The following MYLK4 variants were observed in gnomAD, a reference collection of about 807,000 sequenced individuals.
The protein encoded by MYLK4 is myosin light chain kinase family member 4.
Under a neutral mutation model 48.1 loss-of-function variants are expected in MYLK4, and 46 were observed. That is an observed-to-expected ratio of 0.96 (90% confidence interval 0.75 to 1.22). The LOEUF (loss-of-function observed/expected upper bound fraction) is 1.22. MYLK4 is among the 50% of genes most tolerant of loss of function. The pLI, the probability that MYLK4 is intolerant of heterozygous loss-of-function variation, is 0.00. For missense variants in MYLK4, 451 were observed against 486.1 expected, an observed-to-expected ratio of 0.93 and a Z score of 0.68; for synonymous variants, 170 against 180.8, an observed-to-expected ratio of 0.94 and a Z score of 0.48.
At chr6:2,699,532 C>T (rs1042691552) in intron 2 of MYLK4, among the ~76,000 whole-genome samples, 8 of 150,790 alleles carry the variant, frequency 5.3e-5, no homozygotes, top group African/African-American at 1.9e-4. Flanking sequence ...CTCCTGACCT[C>T]GTGATCCACC....
the MYLK4 span, chr6:2,768,738 A>T: frequency 1.9e-6 from 3 of 1,613,716 alleles, no homozygotes; most frequent in Non-Finnish European, 2.5e-6. Flanking sequence ...AACATAGCAT[A>T]AGGTTTGTGA....
the MYLK4 span, among the ~76,000 whole-genome samples, chr6:2,761,319 T>C: frequency 2.0e-5 from 3 of 152,194 alleles, no homozygotes; most frequent in East Asian, 1.9e-4. Context: ...CTGCTTTACA[T>C]TGATTTCATT....
chr6:2,765,157 G>T, the MYLK4 span, among the ~76,000 whole-genome samples: 1 of 138,522 alleles, frequency 7.2e-6, no homozygotes. Flanking sequence ...GCAACCTCGC[G>T]CACGCGCACC....
chr6:2,703,780 C>T (rs1227772791), intron 2 of MYLK4, among the ~76,000 whole-genome samples: 2 of 137,638 alleles, frequency 1.5e-5, no homozygotes, highest in African/African-American at 5.4e-5. Context: ...AAGCGATTCT[C>T]CTGCCTCAGC....
At chr6:2,716,935 T>C (rs12660389) in intron 2 of MYLK4, among the ~76,000 whole-genome samples, 6,025 of 152,302 alleles carry the variant, frequency 0.04, 249 homozygotes, top group East Asian at 0.24. Flanking sequence ...ATTACACCAA[T>C]AGAAGAAGGA....
At chr6:2,728,021 C>T (rs1400178518) in intron 2 of MYLK4, among the ~76,000 whole-genome samples, 2 of 151,874 alleles carry the variant, frequency 1.3e-5, no homozygotes, top group South Asian at 2.1e-4. Context: ...TTATTTAATG[C>T]TCACCTCAAC....
At chr6:2,686,482 T>C (rs1183103183) in intron 4 of MYLK4, among the ~76,000 whole-genome samples, 1 of 152,204 alleles carries the variant, frequency 6.6e-6, no homozygotes, top group Non-Finnish European at 1.5e-5. Context: ...TTGTGAGCAG[T>C]TTTAAATTTA....
intron 4 of MYLK4, among the ~76,000 whole-genome samples, chr6:2,687,313 T>A (rs2126242): frequency 0.28 from 42,794 of 152,100 alleles, 6,549 homozygotes; most frequent in East Asian, 0.46. Context: ...ATCATGCTCC[T>A]CTCACTTATT....
the MYLK4 span, among the ~76,000 whole-genome samples, chr6:2,762,373 A>G: frequency 1.3e-5 from 2 of 152,262 alleles, no homozygotes; most frequent in African/African-American, 4.8e-5. Context: ...AACAATGATT[A>G]CAAGTAGACT....
chr6:2,766,156 G>C, the MYLK4 span: 481 of 1,329,412 alleles, frequency 3.6e-4, 1 homozygote, highest in African/African-American at 6.8e-3. Context: ...ACGGGGACGC[G>C]GACGCGGACG....
At chr6:2,702,576 C>T (rs1762327506) in intron 2 of MYLK4, among the ~76,000 whole-genome samples, 1 of 152,112 alleles carries the variant, frequency 6.6e-6, no homozygotes. Context: ...TGAACTATTG[C>T]ACGGCTTGGT....
At chr6:2,717,413 C>T (rs1762907041) in intron 2 of MYLK4, among the ~76,000 whole-genome samples, 1 of 152,216 alleles carries the variant, frequency 6.6e-6, no homozygotes, top group South Asian at 2.1e-4. Flanking sequence ...GGCCTCACAC[C>T]TCTCGAAATC....
the MYLK4 span, among the ~76,000 whole-genome samples, chr6:2,762,877 T>C: frequency 1.3e-5 from 2 of 152,176 alleles, no homozygotes; most frequent in Non-Finnish European, 2.9e-5. Context: ...GGGTTTGTGG[T>C]CTGACTGCCT....
chr6:2,671,493 C>A lies in MYLK4; in HGVS notation c.1120-145G>T, dbSNP rs1760894406. 12 of 719,774 alleles carry A rather than the reference C, an allele frequency of 1.7e-5. No homozygotes were observed. The South Asian group carries it at 2.0e-4, about 12-fold the overall frequency. 44.6% of individuals were successfully genotyped at this position (719,774 alleles called of 1,614,324 possible). On this transcript the variant is annotated intron_variant, in intron 11 of 12. Coordinates refer to ENST00000274643, the MANE Select transcript of MYLK4 (RefSeq NM_001012418.5). ...TTCTTGAAGCCTACATTCCCGACAA[C>A]CCCCTGGCAGACACACCGGCCAACC...
At chr6:2,693,256 CATT>C (rs1406182853) in intron 2 of MYLK4, among the ~76,000 whole-genome samples, 2 of 152,158 alleles carry the variant, frequency 1.3e-5, no homozygotes, top group Non-Finnish European at 2.9e-5. Context: ...GTAAAACTGT[CATT>C]ATGGGAAAAA....
rs779020970 is a variant in MYLK4, at chr6:2,688,976, G to A, written c.236-20C>T. On this transcript the variant is annotated intron_variant, in intron 3 of 12. Transcript: ENST00000274643. ...TGTCAACTAGAAGGTGAGAGAAACA[G>A]AAGGGCAATCTGTCAAGAAGTCTGA... 1 of 1,608,024 alleles carries A rather than the reference G, an allele frequency of 6.2e-7. No homozygotes were observed.
intron 2 of MYLK4, among the ~76,000 whole-genome samples, chr6:2,710,538 T>C (rs927713): frequency 0.86 from 130,323 of 151,780 alleles, 56,022 homozygotes; most frequent in Admixed American, 0.89. Flanking sequence ...CTACCTCCTT[T>C]CTGTTGACCA....
At chr6:2,765,506 T>C in the MYLK4 span, 2 of 1,256,124 alleles carry the variant, frequency 1.6e-6, no homozygotes, top group African/African-American at 1.6e-5. Flanking sequence ...GCGAGCGTCC[T>C]GCTGGTTCCC....
chr6:2,720,816 AG>A (rs1416524374), intron 2 of MYLK4, among the ~76,000 whole-genome samples: 1 of 152,176 alleles, frequency 6.6e-6, no homozygotes, highest in Admixed American at 6.5e-5. Context: ...GTAAAGGACT[AG>A]ACTAAGAGAT....
Sources: allele counts gnomAD v4.1 joint callset (sites outside exome capture counted in the v4.1 genomes callset), GRCh38; gene constraint gnomAD v4.1.1; transcripts MANE v1.5; gene names NCBI Gene and HGNC (gene_info 2026-07-23, HGNC 2026-07-21).